Variants in TBC1D22A observed in about 807,000 individuals in gnomAD.
TBC1D22A encodes putative GTPase activator.
A neutral mutation model predicts 60.2 loss-of-function variants in TBC1D22A; 38 were observed. The ratio of observed to expected loss-of-function variants is 0.63; its 90% CI spans 0.49 to 0.83. The LOEUF (loss-of-function observed/expected upper bound fraction) is 0.83. TBC1D22A is among the 40% of genes least tolerant of loss of function. The pLI, the probability that TBC1D22A is intolerant of heterozygous loss-of-function variation, is 0.00. For missense variants in TBC1D22A, 628 were observed against 701.0 expected, an observed-to-expected ratio of 0.90 and a Z score of 1.18; for synonymous variants, 302 against 281.7, an observed-to-expected ratio of 1.07 and a Z score of -0.72.
At chr22:46,837,890 A>G (rs762239309) in intron 4 of TBC1D22A, among the ~76,000 whole-genome samples, 15 of 152,176 alleles carry the variant, frequency 9.9e-5, no homozygotes, top group Non-Finnish European at 2.1e-4. Flanking sequence ...GTGAAACCCC[A>G]TCTTTATTAA....
chr22:46,930,479 G>GGAGTCTAATAAATTTAGACA (rs1227467555), intron 8 of TBC1D22A, among the ~76,000 whole-genome samples: 10 of 151,786 alleles, frequency 6.6e-5, no homozygotes, highest in Non-Finnish European at 8.8e-5. Context: ...TTATTTAGAC[G>GGAGTCTAATAAATTTAGACA]GAGTCTCGCT....
At chr22:46,984,857 G>C (rs1373703861) in intron 9 of TBC1D22A, among the ~76,000 whole-genome samples, 1 of 152,238 alleles carries the variant, frequency 6.6e-6, no homozygotes, top group Non-Finnish European at 1.5e-5. Flanking sequence ...CTGTGAGCAG[G>C]TATTGCCCTT....
At chr22:46,829,840 G>C (rs766441854) in intron 4 of TBC1D22A, among the ~76,000 whole-genome samples, 1 of 152,116 alleles carries the variant, frequency 6.6e-6, no homozygotes, top group African/African-American at 2.4e-5. Flanking sequence ...GTTCAGTGCC[G>C]CGTGAAACAA....
chr22:46,863,918 G>A lies in TBC1D22A; in HGVS notation c.638-14735G>A, dbSNP rs1209319329. On this transcript the variant is annotated intron_variant, in intron 4 of 12. Coordinates refer to ENST00000337137, the MANE Select transcript of TBC1D22A (RefSeq NM_014346.5). Reference sequence around the variant, plus strand: ...TCCAGGGACATAGAGCCTTCTCTGCGAGGCCTTCTCTAGCTCAGCATCTAG... The same window carrying A: ...TCCAGGGACATAGAGCCTTCTCTGCAAGGCCTTCTCTAGCTCAGCATCTAG... 2.0e-5 allele frequency among the ~76,000 whole-genome samples: 3 copies of A among 152,106 alleles called. No individual in the cohort carries two copies. The East Asian group carries it at 5.8e-4, about 29-fold the overall frequency.
intron 4 of TBC1D22A, among the ~76,000 whole-genome samples, chr22:46,873,893 T>C (rs1054164397): frequency 1.3e-5 from 2 of 152,086 alleles, no homozygotes; most frequent in Non-Finnish European, 2.9e-5. Context: ...ACCTCCCGGG[T>C]TCACACCATT....
chr22:47,059,535 CA>C (rs1280085156), intron 11 of TBC1D22A, among the ~76,000 whole-genome samples: 3 of 152,174 alleles, frequency 2.0e-5, no homozygotes, highest in Non-Finnish European at 4.4e-5. Context: ...CCAATGTGAG[CA>C]AGTCTGTGTC....
chr22:47,005,689 CCTA>C (rs2061566314), intron 10 of TBC1D22A, among the ~76,000 whole-genome samples: 1 of 150,828 alleles, frequency 6.6e-6, no homozygotes, highest in South Asian at 2.1e-4. Flanking sequence ...CACATACACA[CCTA>C]CACAGATACA....
At chr22:47,124,418 C>T (rs376706435) in intron 12 of TBC1D22A, among the ~76,000 whole-genome samples, 5 of 152,138 alleles carry the variant, frequency 3.3e-5, no homozygotes, top group African/African-American at 4.8e-5. Flanking sequence ...AGGCTGCCCA[C>T]GCCAGGCCCT....
At chr22:46,873,095 G>C (rs1353612937) in intron 4 of TBC1D22A, among the ~76,000 whole-genome samples, 1 of 152,080 alleles carries the variant, frequency 6.6e-6, no homozygotes, top group East Asian at 1.9e-4. Context: ...GGGATATCTG[G>C]CATTCAATAA....
intron 8 of TBC1D22A, among the ~76,000 whole-genome samples, chr22:46,942,664 C>T (rs1250927673): frequency 6.6e-6 from 1 of 152,192 alleles, no homozygotes; most frequent in Non-Finnish European, 1.5e-5. Flanking sequence ...TCCACGGAGG[C>T]CCCTCCAAGC....
chr22:46,858,869 T>G (rs144904569), intron 4 of TBC1D22A, among the ~76,000 whole-genome samples: 1 of 152,330 alleles, frequency 6.6e-6, no homozygotes, highest in African/African-American at 2.4e-5. Context: ...GAATTCTATG[T>G]GTGTTGCACA....
chr22:47,020,075 C>G (rs2062036039), intron 10 of TBC1D22A, among the ~76,000 whole-genome samples: 2 of 152,194 alleles, frequency 1.3e-5, no homozygotes, highest in African/African-American at 4.8e-5. Context: ...ATCCATCGAT[C>G]CATCCATCCA....
intron 4 of TBC1D22A, among the ~76,000 whole-genome samples, chr22:46,847,924 T>G (rs1041895488): frequency 1.0e-5 from 1 of 96,412 alleles, no homozygotes; most frequent in South Asian, 3.2e-4. Context: ...AGTGGGTGTG[T>G]GTGTGTGTGT....
chr22:46,768,484 C>CA (rs3083471), intron 1 of TBC1D22A, among the ~76,000 whole-genome samples: 400 of 80,264 alleles, frequency 5.0e-3, no homozygotes, highest in African/African-American at 9.0e-3. Context: ...GACTCTGTCT[C>CA]AAAAAAAAAA....
chr22:46,863,154 G>T (rs1367590021), intron 4 of TBC1D22A, among the ~76,000 whole-genome samples: 1 of 152,252 alleles, frequency 6.6e-6, no homozygotes, highest in Middle Eastern at 3.4e-3. Context: ...TGGAGTGAAG[G>T]CAACATGCGC....
chr22:47,137,678 GGCCCCTGAAGCAGGCGGTAT>G (rs2066924666), intron 12 of TBC1D22A, among the ~76,000 whole-genome samples: 1 of 152,232 alleles, frequency 6.6e-6, no homozygotes, highest in African/African-American at 2.4e-5. Context: ...ACCCAAGCCT[GGCCCCTGAAGCAGGCGGTAT>G]CTTCATGGCT....
At chr22:47,173,467 C>G (rs765695643) in intron 12 of TBC1D22A, 31 bp from the exon 13 acceptor site, 18 of 1,612,242 alleles carry the variant, frequency 1.1e-5, no homozygotes, top group Middle Eastern at 1.7e-4. Context: ...GGGTCACCTC[C>G]TCTGACCTGG....
intron 4 of TBC1D22A, among the ~76,000 whole-genome samples, chr22:46,856,007 G>A (rs965654236): frequency 2.0e-5 from 3 of 152,262 alleles, no homozygotes; most frequent in Non-Finnish European, 2.9e-5. Flanking sequence ...GCTGGCCTCC[G>A]GAGCCACAGA....
chr22:47,160,068 G>T (rs1449049044), intron 12 of TBC1D22A, among the ~76,000 whole-genome samples: 1 of 152,150 alleles, frequency 6.6e-6, no homozygotes, highest in East Asian at 1.9e-4. Context: ...CACTCAGCAC[G>T]TGAGGTGGAG....
Sources: gnomAD v4.1 joint callset for allele counts (sites outside exome capture counted in the v4.1 genomes callset) on GRCh38, gnomAD v4.1.1 for gene constraint, MANE v1.5 for transcripts, NCBI Gene and HGNC (gene_info 2026-07-23, HGNC 2026-07-21) for gene names.